CS: variants seen among roughly 807,000 people sequenced by gnomAD.
CS encodes citrate synthase.
A neutral mutation model predicts 61.4 loss-of-function variants in CS; 13 were observed. That is an observed-to-expected ratio of 0.21 (90% CI 0.14 to 0.34). The LOEUF is 0.34. Ranked by LOEUF, CS falls within the 10% of genes least tolerant of loss-of-function variation. CS has a pLI of 1.00. For missense variants in CS, 278 were observed against 573.4 expected, an observed-to-expected ratio of 0.48 and a Z score of 5.26; for synonymous variants, 159 against 215.2, an observed-to-expected ratio of 0.74 and a Z score of 2.29.
At chr12:56,297,688 A>C (rs1360218093) in intron 1 of CS, among the ~76,000 whole-genome samples, 1 of 152,162 alleles carries the variant, frequency 6.6e-6, no homozygotes, top group Non-Finnish European at 1.5e-5. Flanking sequence ...TGAGTGACAG[A>C]GTAAGACTCT....
intron 1 of CS, among the ~76,000 whole-genome samples, chr12:56,287,209 G>C (rs536905426): frequency 6.6e-6 from 1 of 152,122 alleles, no homozygotes. Context: ...GGCTGGGCGC[G>C]GTGGCTCATG....
chr12:56,280,424 AC>A lies in CS; in HGVS notation c.588+1995del, dbSNP rs201008715. On this transcript the variant is annotated intron_variant, in intron 6 of 10. Transcript: ENST00000351328. Reference sequence around the variant, plus strand: ...TGCAAGACACCGTCTCCCAAAAAAAACAAAAAAAAAAAACAAAAAAATTAGC... The same window carrying A: ...TGCAAGACACCGTCTCCCAAAAAAAAAAAAAAAAAAAACAAAAAAATTAGC... 3.3e-4 allele frequency among the ~76,000 whole-genome samples: 23 copies of A among 68,948 alleles called. 4 individuals are homozygous for A. Among genetic ancestry groups the A allele is most frequent in the East Asian group, 1.8e-3 (5 of 2,710 alleles). The allele number at this position is 68,948 out of a possible 152,430, so 45.2% of individuals were successfully genotyped here.
Position 56,274,810 on chromosome 12 carries a change from T to C in CS, c.987A>G (p.Arg329=). 2 of 1,610,266 alleles carry C rather than the reference T, an allele frequency of 1.2e-6. No individual in the cohort carries two copies. Among genetic ancestry groups the C allele is most frequent in the Non-Finnish European group, 1.7e-6 (2 of 1,178,368 alleles). ...AGTTGAGTGTGTTCCAGATGTAGTCTCGTAACTTCTCATCTGACACATCTT... is the reference window on the plus strand; with the variant it reads ...AGTTGAGTGTGTTCCAGATGTAGTCCCGTAACTTCTCATCTGACACATCTT... The part of the protein sequence containing the change: ...VGKDVSDEKL[R]DYIWNTLNSG... The change falls in exon 9 of 11, where the codon CGA becomes CGG. Residue 329 remains arginine (R), a synonymous_variant. Transcript: ENST00000351328.
At chr12:56,283,077 G>A (rs1044248776) in intron 4 of CS, 86 bp from the exon 5 acceptor site, 1 of 1,442,340 alleles carries the variant, frequency 6.9e-7, no homozygotes, top group African/African-American at 1.4e-5. Context: ...CTTACAACAA[G>A]TTAGAGTAGA....
intron 7 of CS, 59 bp downstream of exon 7, chr12:56,275,937 T>A: frequency 6.7e-7 from 1 of 1,482,630 alleles, no homozygotes. Context: ...AAGGAGCTTT[T>A]AAAAAAATTT....
intron 3 of CS, among the ~76,000 whole-genome samples, chr12:56,284,624 G>A (rs1436691458): frequency 4.7e-5 from 7 of 150,302 alleles, no homozygotes; most frequent in African/African-American, 1.2e-4. Flanking sequence ...GGTTTAGGCC[G>A]GGTGCAGTGG....
intron 6 of CS, among the ~76,000 whole-genome samples, chr12:56,278,054 T>C (rs1230665321): frequency 1.3e-5 from 2 of 152,220 alleles, no homozygotes; most frequent in African/African-American, 2.4e-5. Context: ...AATGAGGAAA[T>C]TGGGGCTTAG....
At position 56,300,131 on chromosome 12, in the gene CS, A is replaced by C; in HGVS notation, c.42+29T>G. Reference sequence around the variant, plus strand: ...GCGGTCGCCTCAGCCCCACCCTGGGACGGCGTGCTCCCTCCCCTCGCTGCT... The same window carrying C: ...GCGGTCGCCTCAGCCCCACCCTGGGCCGGCGTGCTCCCTCCCCTCGCTGCT... On this transcript the variant is annotated intron_variant, in intron 1 of 10. Coordinates refer to ENST00000351328, the MANE Select transcript of CS (RefSeq NM_004077.3). The C allele has an allele frequency of 1.9e-6, 3 of 1,552,024 alleles. No individual in the cohort carries two copies. In the South Asian group the frequency reaches 3.6e-5, roughly 18 times the overall value.
intron 1 of CS, chr12:56,291,242 G>C: frequency 8.7e-7 from 1 of 1,145,514 alleles, no homozygotes; most frequent in Non-Finnish European, 1.1e-6. Context: ...GAACTTCCTG[G>C]GAGTTGGATC....
intron 9 of CS, 45 bp downstream of exon 9, chr12:56,274,732 C>T: frequency 2.8e-6 from 4 of 1,408,626 alleles, no homozygotes; most frequent in South Asian, 1.4e-5. Flanking sequence ...AATTGCAGAA[C>T]TTGTGTCTTG....
intron 2 of CS, chr12:56,286,332 T>C: frequency 5.6e-6 from 3 of 533,322 alleles, no homozygotes; most frequent in Non-Finnish European, 9.9e-6. Flanking sequence ...TGGTAAATTT[T>C]ATGTTATGTA....
At chr12:56,288,272 A>G (rs1213766313) in intron 1 of CS, among the ~76,000 whole-genome samples, 1 of 152,076 alleles carries the variant, frequency 6.6e-6, no homozygotes, top group Non-Finnish European at 1.5e-5. Flanking sequence ...TCTAGTAACT[A>G]CTGCACTGCT....
intron 6 of CS, among the ~76,000 whole-genome samples, chr12:56,276,545 T>C (rs976546983): frequency 6.6e-6 from 1 of 152,212 alleles, no homozygotes; most frequent in Non-Finnish European, 1.5e-5. Context: ...GTTTGAACTC[T>C]GATATGGTTT....
chr12:56,297,465 A>G (rs1379553045), intron 1 of CS, among the ~76,000 whole-genome samples: 2 of 152,210 alleles, frequency 1.3e-5, no homozygotes, highest in African/African-American at 4.8e-5. Flanking sequence ...AACAATGACT[A>G]ATTCACATGT....
chr12:56,283,238 C>T (rs1216819635), intron 4 of CS, among the ~76,000 whole-genome samples: 1 of 152,056 alleles, frequency 6.6e-6, no homozygotes, highest in Non-Finnish European at 1.5e-5. Context: ...GCCCAGAATA[C>T]AATTTTTAAT....
intron 7 of CS, 79 bp downstream of exon 7, chr12:56,275,917 T>G: frequency 4.1e-6 from 5 of 1,234,494 alleles, no homozygotes; most frequent in Non-Finnish European, 5.9e-6. Flanking sequence ...TCTCAGAAGA[T>G]GAGAACATAA....
chr12:56,282,239 T>A (rs1872797497), intron 6 of CS, 181 bp downstream of exon 6: 4 of 498,632 alleles, frequency 8.0e-6, no homozygotes, highest in Non-Finnish European at 1.4e-5. Flanking sequence ...GAAACCATGC[T>A]CTACTTAGCT....
intron 1 of CS, among the ~76,000 whole-genome samples, chr12:56,287,512 AG>A (rs760588434): frequency 7.7e-6 from 1 of 129,676 alleles, no homozygotes; most frequent in Non-Finnish European, 1.7e-5. Context: ...AAAAAAAAAG[AG>A]AGAGAGAGAA....
intron 1 of CS, chr12:56,298,533 T>C (rs1313185554): frequency 9.3e-6 from 6 of 646,840 alleles, no homozygotes; most frequent in African/African-American, 7.9e-5. Flanking sequence ...AGCTCAGAAA[T>C]GAGCTAATTA....
Sources: gnomAD v4.1 joint callset for allele counts (sites outside exome capture counted in the v4.1 genomes callset) on GRCh38, gnomAD v4.1.1 for gene constraint, MANE v1.5 for transcripts, NCBI Gene and HGNC (gene_info 2026-07-23, HGNC 2026-07-21) for gene names.